PDCD6IP: variants seen among roughly 807,000 people sequenced by gnomAD.
PDCD6IP encodes programmed cell death 6-interacting protein.
Under a neutral mutation model 103.7 loss-of-function variants are expected in PDCD6IP, and 43 were observed. The observed-to-expected ratio is 0.41, with a 90% CI of 0.32 to 0.53. PDCD6IP has a LOEUF of 0.53. Among genes scored for constraint, PDCD6IP ranks in the 20% least tolerant of loss-of-function variants. PDCD6IP has a pLI of 0.16. For synonymous variants in PDCD6IP, 354 were observed against 378.7 expected (o/e 0.93, Z 0.76); for missense variants, 871 against 1,036.7 (o/e 0.84, Z 2.20).
chr3:33,825,412 A>AAT, intron 5 of PDCD6IP, 72 bp downstream of exon 5: 8 of 1,290,494 alleles, frequency 6.2e-6, no homozygotes, highest in Non-Finnish European at 8.6e-6. Context: ...AAGTGATTAG[A>AAT]ATATAATATG....
chr3:33,860,824 A>G (rs959634059), intron 15 of PDCD6IP, among the ~76,000 whole-genome samples: 15 of 152,168 alleles, frequency 9.9e-5, no homozygotes, highest in Non-Finnish European at 1.9e-4. Context: ...GCTTTTATAA[A>G]TAGTGCTGGC....
chr3:33,834,043 G>A lies in PDCD6IP; in HGVS notation c.835-2001G>A, dbSNP rs113720341. ...CTACTTTTAGGGTTTATATTTTGCT[G>A]GCATTTTCTGAGTGCTTATGCCCTT... On this transcript the variant is annotated intron_variant, in intron 7 of 17. Transcript: ENST00000307296. Among the ~76,000 whole-genome samples the A allele has an allele frequency of 7.0e-4, 106 of 152,170 alleles. 1 individual carries two copies. The highest frequency in any genetic ancestry group is 1.0e-3 in the Non-Finnish European group (70 of 68,012).
At chr3:33,852,764 G>A (rs1490105264) in intron 13 of PDCD6IP, 28 bp downstream of exon 13, 4 of 1,554,108 alleles carry the variant, frequency 2.6e-6, no homozygotes, top group Non-Finnish European at 3.5e-6. Flanking sequence ...AATAAGATCT[G>A]TGTTTTAAAA....
intron 6 of PDCD6IP, 152 bp from the exon 7 acceptor site, chr3:33,828,701 T>A (rs905883954): frequency 3.4e-6 from 2 of 580,362 alleles, no homozygotes; most frequent in Non-Finnish European, 5.5e-6. Context: ...TGTCGTCTTC[T>A]CTGTTTACAC....
At chr3:33,827,041 T>A (rs1697142670) in intron 6 of PDCD6IP, 1 of 985,282 alleles carries the variant, frequency 1.0e-6, no homozygotes, top group Middle Eastern at 5.2e-4. Flanking sequence ...ATCTGATACT[T>A]TGATTAGAAT....
intron 7 of PDCD6IP, among the ~76,000 whole-genome samples, chr3:33,834,442 T>G (rs888236490): frequency 3.3e-5 from 5 of 152,232 alleles, no homozygotes; most frequent in Non-Finnish European, 4.4e-5. Flanking sequence ...TTTACAAATT[T>G]AAAAAGTGAT....
chr3:33,860,230 T>C (rs1697922307), intron 15 of PDCD6IP, among the ~76,000 whole-genome samples: 1 of 152,228 alleles, frequency 6.6e-6, no homozygotes, highest in Non-Finnish European at 1.5e-5. Flanking sequence ...TAAACAAGTA[T>C]ATATTTTATT....
rs775203496 is a variant in PDCD6IP at position 33,865,316 on chromosome 3, C to G, written c.2318C>G (p.Ala773Gly). The G allele has an allele frequency of 2.5e-6, 4 of 1,594,926 alleles. No individual in the cohort carries two copies. In the African/African-American group the frequency reaches 5.5e-5, roughly 22 times the overall value. ...GCAAATCGAGCTCCTTCTGCTACTG[C>G]TCCATCTCCAGTGGGGGCTGGGACT... ...LPANRAPSAT[A>G]PSPVGAGTAA... The change falls in exon 17 of 18, where the codon GCT (alanine) becomes GGT (glycine). Residue 773 changes from alanine (A) to glycine (G), a missense_variant. Ala to Gly is a moderately conservative substitution (Grantham distance 60). Transcript: ENST00000307296.
chr3:33,833,605 A>G (rs1480179211), intron 7 of PDCD6IP, among the ~76,000 whole-genome samples: 1 of 152,146 alleles, frequency 6.6e-6, no homozygotes, highest in African/African-American at 2.4e-5. Context: ...GGTTTGGGCC[A>G]TCCAGTCCTC....
chr3:33,846,641 A>G (rs1238653564), intron 12 of PDCD6IP, among the ~76,000 whole-genome samples: 2 of 152,198 alleles, frequency 1.3e-5, no homozygotes, highest in East Asian at 3.9e-4. Context: ...AGGCAGAAAA[A>G]GTAAACGTGT....
chr3:33,830,904 G>A (rs113292092), intron 7 of PDCD6IP, among the ~76,000 whole-genome samples: 3,786 of 152,248 alleles, frequency 0.025, 147 homozygotes, highest in African/African-American at 0.085. Context: ...GATTCTGACG[G>A]AGATCTTAGG....
At chr3:33,859,201 A>C (rs964425935) in intron 15 of PDCD6IP, among the ~76,000 whole-genome samples, 4 of 152,216 alleles carry the variant, frequency 2.6e-5, no homozygotes, top group Admixed American at 2.6e-4. Flanking sequence ...AGAAAATAAA[A>C]GTTATCTTTA....
chr3:33,818,752 C>T (rs957057216), intron 3 of PDCD6IP, among the ~76,000 whole-genome samples: 2 of 151,764 alleles, frequency 1.3e-5, no homozygotes, highest in African/African-American at 2.4e-5. Flanking sequence ...CTCTTGACCT[C>T]GTGATCTGTC....
At chr3:33,835,433 C>G (rs1215376112) in intron 7 of PDCD6IP, 21 of 407,100 alleles carry the variant, frequency 5.2e-5, no homozygotes, top group Non-Finnish European at 7.9e-5. Context: ...ACCCAACAGC[C>G]AGACAGGGCA....
At chr3:33,846,682 G>A (rs531098084) in intron 12 of PDCD6IP, among the ~76,000 whole-genome samples, 103 of 152,258 alleles carry the variant, frequency 6.8e-4, no homozygotes, top group African/African-American at 2.4e-3. Flanking sequence ...TAGTGGCTGT[G>A]TCTAGAGAGT....
intron 7 of PDCD6IP, 51 bp downstream of exon 7, chr3:33,829,020 T>G: frequency 6.9e-7 from 1 of 1,440,618 alleles, no homozygotes; most frequent in Non-Finnish European, 9.3e-7. Flanking sequence ...ATCTCTCTTT[T>G]TTTTCCTAGT....
intron 15 of PDCD6IP, among the ~76,000 whole-genome samples, chr3:33,857,802 A>G (rs1395597975): frequency 1.3e-5 from 2 of 152,152 alleles, no homozygotes; most frequent in Non-Finnish European, 2.9e-5. Flanking sequence ...ATATATATGT[A>G]TGTGTGTGTA....
At chr3:33,835,060 G>A (rs1450694515) in intron 7 of PDCD6IP, among the ~76,000 whole-genome samples, 1 of 151,962 alleles carries the variant, frequency 6.6e-6, no homozygotes, top group Non-Finnish European at 1.5e-5. Flanking sequence ...TGGCAAATTG[G>A]CAAATATTAA....
Position 33,855,193 on chromosome 3 carries a change from G to A in PDCD6IP, c.2053G>A (p.Val685Ile), listed in dbSNP as rs960394095. The A allele has an allele frequency of 1.9e-6, 3 of 1,610,538 alleles. No homozygotes were observed. The African/African-American group carries it at 4.0e-5, about 22-fold the overall frequency. The change falls in exon 15 of 18, where the codon GTC becomes ATC. Residue 685 changes from valine to isoleucine, a missense_variant. By Grantham distance (29) the Val-to-Ile change is conservative (BLOSUM62 3). Around this residue, in one of 5 missense-constraint regions of PDCD6IP, gnomAD observed 266 missense variants for 390.5 expected, o/e 0.68. Transcript: ENST00000307296. ...KFYNELTEIL[V>I]RFQNKCSDIV... ...TTACAATGAGTTGACTGAAATCCTG[G>A]TCAGGTTCCAGAACAAATGCAGTGA...
Sources: gnomAD v4.1 joint callset for allele counts (sites outside exome capture counted in the v4.1 genomes callset) on GRCh38, gnomAD v4.1.1 for gene constraint, gnomAD v4.1.1 regional missense constraint, MANE v1.5 for transcripts, NCBI Gene and HGNC (gene_info 2026-07-23, HGNC 2026-07-21) for gene names.